TGFA: variants seen among roughly 807,000 people sequenced by gnomAD.
TGFA encodes the protein protransforming growth factor alpha.
A neutral mutation model predicts 21.7 loss-of-function variants in TGFA; 12 were observed. The observed-to-expected ratio is 0.55, with a 90% CI of 0.35 to 0.90. The LOEUF (loss-of-function observed/expected upper bound fraction) is 0.90. TGFA is among the 40% of genes least tolerant of loss of function. The pLI is 0.01. For missense variants in TGFA, 178 were observed against 210.8 expected (o/e 0.84, Z 0.96); for synonymous variants, 79 against 88.1 (o/e 0.90, Z 0.58).
At chr2:70,532,988 A>T (rs1553503897) in intron 1 of TGFA, among the ~76,000 whole-genome samples, 1 of 151,772 alleles carries the variant, frequency 6.6e-6, no homozygotes, top group South Asian at 2.1e-4. Flanking sequence ...CAGTCTCCCA[A>T]GTAGCTGGGG....
In TGFA at chr2:70,450,435, AAACAAT is replaced by A. The variant is rs1670019612; in HGVS notation, c.*418_*423del. The A allele has an allele frequency of 6.2e-6, 1 of 161,154 alleles. No individual in the cohort carries two copies. The highest frequency in any genetic ancestry group is 2.4e-5 in the African/African-American group (1 of 41,764). 10.0% of individuals were successfully genotyped at this position (161,154 alleles called of 1,614,324 possible). A position where few individuals can be genotyped will look rare whatever the true frequency, so the allele number is the denominator to read the frequency against. ...TCTTCCCCAGTAGGCAAATGACAGA[AAACAAT>A]AACTATAGAAATCTCCTGTGTTGGG... On this transcript the variant is annotated 3_prime_UTR_variant, in exon 6 of 6. Coordinates refer to ENST00000295400, the MANE Select transcript of TGFA (RefSeq NM_003236.4).
Position 70,453,261 on chromosome 2 carries a change from G to T in TGFA, c.432C>A (p.Ser144Arg), listed in dbSNP as rs782058394. 1.1e-5 allele frequency: 18 copies of T among 1,613,900 alleles called. No homozygotes were observed. The highest frequency in any genetic ancestry group is 1.4e-5 in the Non-Finnish European group (16 of 1,179,906). The stretch of plus-strand genomic sequence containing the variant: ...AAGCGGTTCTTCCCTTCAGGAGGGC[G>T]CTGGGCTTCTCGTGCCGGCAGATGA... ...RALICRHEKP[S>R]ALLKGRTACC... Residue 144 changes from serine (S) to arginine (R), a missense_variant, in exon 5 of 6, where the codon AGC (serine) becomes AGA (arginine). By Grantham distance (110) the Ser-to-Arg change is moderately radical. Coordinates refer to ENST00000295400, the MANE Select transcript of TGFA (RefSeq NM_003236.4).
At chr2:70,495,282 T>C (rs902356921) in intron 2 of TGFA, among the ~76,000 whole-genome samples, 1 of 152,246 alleles carries the variant, frequency 6.6e-6, no homozygotes, top group Non-Finnish European at 1.5e-5. Flanking sequence ...CATGAATGTG[T>C]CTATTCTTGT....
intron 1 of TGFA, among the ~76,000 whole-genome samples, chr2:70,534,828 A>T (rs994016446): frequency 1.3e-5 from 2 of 152,176 alleles, no homozygotes; most frequent in African/African-American, 2.4e-5. Context: ...GGCTGCATTT[A>T]GCCCAAGTCT....
intron 2 of TGFA, among the ~76,000 whole-genome samples, chr2:70,502,043 C>A (rs1320963069): frequency 1.3e-5 from 2 of 152,238 alleles, no homozygotes; most frequent in Non-Finnish European, 2.9e-5. Flanking sequence ...CTTTGCCTTC[C>A]TCTTCTGCCC....
At chr2:70,454,251 G>T (rs1253014945) in intron 4 of TGFA, among the ~76,000 whole-genome samples, 2 of 152,206 alleles carry the variant, frequency 1.3e-5, no homozygotes, top group Non-Finnish European at 2.9e-5. Context: ...CTTGGTATCT[G>T]GTGGGCATTT....
chr2:70,549,191 G>A lies in TGFA; in HGVS notation c.40+4537C>T, dbSNP rs540199770. Among the ~76,000 whole-genome samples the A allele has an allele frequency of 4.6e-5, 7 of 152,296 alleles. No homozygotes were observed. The South Asian group carries it at 1.5e-3, about 32-fold the overall frequency. The stretch of plus-strand genomic sequence containing the variant: ...GATCGTTACATTTTCCATGGATAAC[G>A]AACAAGAACACTTAAAATGAAGACG... On this transcript the variant is annotated intron_variant, in intron 1 of 5. Transcript: ENST00000295400.
intron 2 of TGFA, among the ~76,000 whole-genome samples, chr2:70,499,407 G>A (rs781800283): frequency 4.6e-5 from 7 of 152,200 alleles, no homozygotes; most frequent in African/African-American, 9.7e-5. Flanking sequence ...CCCAGGGCCC[G>A]CAGTGGACAC....
At chr2:70,521,865 G>C (rs1186518460) in intron 1 of TGFA, among the ~76,000 whole-genome samples, 1 of 151,900 alleles carries the variant, frequency 6.6e-6, no homozygotes, top group Admixed American at 6.6e-5. Context: ...CACCTGCCTT[G>C]GCCTCCCAAA....
intron 1 of TGFA, among the ~76,000 whole-genome samples, chr2:70,528,192 G>C (rs367899707): frequency 2.0e-5 from 3 of 152,342 alleles, no homozygotes; most frequent in Admixed American, 1.3e-4. Context: ...TAGTCAACTA[G>C]TCTTAACTTT....
At chr2:70,553,323 G>C in intron 1 of TGFA, 1 of 1,505,224 alleles carries the variant, frequency 6.6e-7, no homozygotes, top group Non-Finnish European at 8.8e-7. Flanking sequence ...GTTAGACGCC[G>C]GCCCCCGTTC....
chr2:70,495,564 T>G (rs1232006599), intron 2 of TGFA, among the ~76,000 whole-genome samples: 1 of 152,206 alleles, frequency 6.6e-6, no homozygotes, highest in Non-Finnish European at 1.5e-5. Flanking sequence ...TAAATTACCT[T>G]AAAAGGAAAT....
chr2:70,553,634 C>A, intron 1 of TGFA, 94 bp downstream of exon 1: 2 of 1,305,266 alleles, frequency 1.5e-6, no homozygotes, highest in Non-Finnish European at 1.9e-6. Flanking sequence ...CTCTCCCAGG[C>A]GGGCGCAGAA....
Position 70,540,316 on chromosome 2 carries a change from G to C in TGFA, c.40+13412C>G, listed in dbSNP as rs139545160. On this transcript the variant is annotated intron_variant, in intron 1 of 5. Transcript: ENST00000295400. ...CAATAACACATTCCAACTCATAAGA[G>C]TGGTTCATTATAGCCATGATCCTTA... Among the ~76,000 whole-genome samples the C allele has an allele frequency of 2.1e-3, 314 of 152,280 alleles. 3 individuals carry two copies. The highest frequency in any genetic ancestry group is 0.011 in the South Asian group (52 of 4,824).
intron 2 of TGFA, among the ~76,000 whole-genome samples, chr2:70,499,917 A>G (rs904540214): frequency 1.4e-4 from 21 of 152,260 alleles, no homozygotes; most frequent in African/African-American, 3.6e-4. Flanking sequence ...CATAAGCCGC[A>G]TAAGTAATTC....
At chr2:70,487,584 T>G (rs1671305158) in intron 2 of TGFA, among the ~76,000 whole-genome samples, 1 of 152,194 alleles carries the variant, frequency 6.6e-6, no homozygotes, top group African/African-American at 2.4e-5. Context: ...ATTTTCCATT[T>G]GTGGTGTCAT....
chr2:70,453,026 C>T (rs1384739059), intron 5 of TGFA, among the ~76,000 whole-genome samples, 192 bp downstream of exon 5: 3 of 152,166 alleles, frequency 2.0e-5, no homozygotes, highest in African/African-American at 7.2e-5. Flanking sequence ...CAGCCACCAG[C>T]CAGGATGTAA....
intron 1 of TGFA, among the ~76,000 whole-genome samples, chr2:70,539,509 A>G (rs1574146326): frequency 6.6e-6 from 1 of 152,132 alleles, no homozygotes; most frequent in Admixed American, 6.5e-5. Context: ...GGCTGGAGTG[A>G]AGTGGCACAA....
intron 1 of TGFA, among the ~76,000 whole-genome samples, chr2:70,527,706 C>T (rs191069160): frequency 5.4e-4 from 82 of 152,292 alleles, no homozygotes; most frequent in Admixed American, 2.0e-3. Flanking sequence ...ATGTTAATAA[C>T]AGGTGAAACT....
Sources: gnomAD v4.1 joint callset for allele counts (sites outside exome capture counted in the v4.1 genomes callset) on GRCh38, gnomAD v4.1.1 for gene constraint, MANE v1.5 for transcripts, NCBI Gene and HGNC (gene_info 2026-07-23, HGNC 2026-07-21) for gene names.